CYFIP2: variants seen among roughly 807,000 people sequenced by gnomAD.
CYFIP2 encodes cytoplasmic FMR1 interacting protein 2.
CYFIP2 carries 29 observed loss-of-function variants against 158.7 expected under a neutral mutation model. The observed-to-expected ratio is 0.18, with a 90% CI of 0.14 to 0.25. CYFIP2 has a LOEUF of 0.25. CYFIP2 is among the 10% of genes least tolerant of loss of function. The pLI is 1.00. For synonymous variants in CYFIP2, 585 were observed against 617.6 expected (o/e 0.95, Z 0.78); for missense variants, 852 against 1,639.5 (o/e 0.52, Z 8.29).
intron 28 of CYFIP2, chr5:157,384,265 G>A (rs1766421155): frequency 4.4e-6 from 2 of 456,808 alleles, no homozygotes; most frequent in Admixed American, 4.7e-5. Flanking sequence ...AATAGGGGGA[G>A]AGCGGAGAAA....
At chr5:157,330,061 A>G (rs1044872686) in intron 19 of CYFIP2, among the ~76,000 whole-genome samples, 1 of 152,142 alleles carries the variant, frequency 6.6e-6, no homozygotes, top group Non-Finnish European at 1.5e-5. Context: ...GTTCCCTTAG[A>G]TCTTTCCAAT....
intron 6 of CYFIP2, among the ~76,000 whole-genome samples, chr5:157,301,985 C>G (rs141061304): frequency 6.6e-6 from 1 of 152,302 alleles, no homozygotes; most frequent in African/African-American, 2.4e-5. Flanking sequence ...CTGGTGGTGT[C>G]CAGCAGGCTG....
In CYFIP2 at chr5:157,394,978, G is replaced by C. The variant is rs1047329324; in HGVS notation, c.*1978G>C. ...GTCTGAGGATGGTAGCTGGCTCTCTGTAGCTGATAGATGGCTAGAGTTCCA... is the reference window on the plus strand; with the variant it reads ...GTCTGAGGATGGTAGCTGGCTCTCTCTAGCTGATAGATGGCTAGAGTTCCA... On this transcript the variant is annotated 3_prime_UTR_variant, in exon 31 of 31. Transcript: ENST00000620254. 6.5e-6 allele frequency: 1 copy of C among 153,278 alleles called. No homozygotes were observed. Among genetic ancestry groups the C allele is most frequent in the Non-Finnish European group, 1.5e-5 (1 of 68,918 alleles). The allele number at this position is 153,278 out of a possible 1,614,324, so 9.5% of individuals were successfully genotyped here.
Position 157,384,668 on chromosome 5 carries a change from G to A in CYFIP2, c.3207+1309G>A, listed in dbSNP as rs577028315. On this transcript the variant is annotated intron_variant, in intron 28 of 30. Transcript: ENST00000620254. ...AAAAGCTAATCATGGGGCCGGGCGC[G>A]GTGGCTCACACCTGTAATCCCAGCA... The A allele has an allele frequency of 1.4e-4, 53 of 374,630 alleles. No homozygotes were observed. In the East Asian group the frequency reaches 2.1e-3, roughly 15 times the overall value. The allele number at this position is 374,630 out of a possible 1,614,324, so 23.2% of individuals were successfully genotyped here.
At chr5:157,368,608 A>G (rs753876403) in intron 26 of CYFIP2, among the ~76,000 whole-genome samples, 1 of 152,222 alleles carries the variant, frequency 6.6e-6, no homozygotes, top group Non-Finnish European at 1.5e-5. Flanking sequence ...TTGACTCCCA[A>G]TAATACCCTT....
At chr5:157,321,968 A>G (rs530498814) in intron 15 of CYFIP2, among the ~76,000 whole-genome samples, 22 of 152,330 alleles carry the variant, frequency 1.4e-4, no homozygotes, top group African/African-American at 5.1e-4. Flanking sequence ...AGAGACAGAC[A>G]AGGCACAAAA....
At chr5:157,391,603 G>A (rs1221682344) in intron 30 of CYFIP2, among the ~76,000 whole-genome samples, 1 of 152,160 alleles carries the variant, frequency 6.6e-6, no homozygotes, top group African/African-American at 2.4e-5. Flanking sequence ...ATGTTGTAGT[G>A]TCCAAACTTC....
chr5:157,386,986 T>TA (rs1336630460), intron 28 of CYFIP2, among the ~76,000 whole-genome samples: 1 of 151,058 alleles, frequency 6.6e-6, no homozygotes, highest in Non-Finnish European at 1.5e-5. Flanking sequence ...TGTGAGTTTG[T>TA]AAACAATTTA....
At chr5:157,308,032 C>T (rs1405257806) in intron 9 of CYFIP2, among the ~76,000 whole-genome samples, 167 bp downstream of exon 9, 2 of 152,086 alleles carry the variant, frequency 1.3e-5, no homozygotes, top group East Asian at 3.9e-4. Context: ...ATGGCAGGGC[C>T]TCCAGCTGCC....
chr5:157,320,555 G>A, intron 14 of CYFIP2, 100 bp from the exon 15 acceptor site: 1 of 1,465,736 alleles, frequency 6.8e-7, no homozygotes, highest in East Asian at 2.3e-5. Flanking sequence ...GAATTCAAAT[G>A]TGGGTGTTCC....
chr5:157,375,140 T>C (rs1398933107), intron 26 of CYFIP2, among the ~76,000 whole-genome samples: 1 of 152,180 alleles, frequency 6.6e-6, no homozygotes, highest in Non-Finnish European at 1.5e-5. Context: ...ACTTATGAAG[T>C]AGAACACAGT....
At position 157,328,614 on chromosome 5, in the gene CYFIP2, A is replaced by G. The variant is rs546731557; in HGVS notation, c.2156+565A>G. ...CACTAGAGGGGGCAAGCTGCATGCT[A>G]AGGCTGGGGAGTGGGCAGGGCCAGA... On this transcript the variant is annotated intron_variant, in intron 19 of 30. Coordinates refer to ENST00000620254, the MANE Select transcript of CYFIP2 (RefSeq NM_001037333.3). Among the ~76,000 whole-genome samples the G allele has an allele frequency of 9.5e-4, 144 of 152,348 alleles. 1 individual carries two copies. Among genetic ancestry groups the G allele is most frequent in the African/African-American group, 3.2e-3 (133 of 41,568 alleles).
intron 30 of CYFIP2, among the ~76,000 whole-genome samples, chr5:157,391,816 G>GATCCA (rs1262776816): frequency 5.5e-5 from 8 of 144,230 alleles, no homozygotes; most frequent in Admixed American, 5.0e-4. Context: ...TGGATCGTAT[G>GATCCA]GTAATTCTAT....
chr5:157,321,730 G>A (rs2113114023), intron 15 of CYFIP2, among the ~76,000 whole-genome samples: 1 of 152,132 alleles, frequency 6.6e-6, no homozygotes, highest in African/African-American at 2.4e-5. Flanking sequence ...GTGCGTCTGT[G>A]TCTGTGCTGG....
At chr5:157,336,185 G>T (rs1283714380) in intron 21 of CYFIP2, among the ~76,000 whole-genome samples, 1 of 152,182 alleles carries the variant, frequency 6.6e-6, no homozygotes, top group Non-Finnish European at 1.5e-5. Context: ...CTGAGATGGG[G>T]AGGCAACTTG....
intron 13 of CYFIP2, among the ~76,000 whole-genome samples, chr5:157,316,443 A>G (rs1760154927): frequency 6.7e-6 from 1 of 149,094 alleles, no homozygotes; most frequent in African/African-American, 2.6e-5. Flanking sequence ...GGACATAAAT[A>G]TTTATGATGT....
intron 28 of CYFIP2, among the ~76,000 whole-genome samples, chr5:157,388,046 G>A (rs2113543428): frequency 6.6e-6 from 1 of 152,296 alleles, no homozygotes; most frequent in East Asian, 1.9e-4. Flanking sequence ...CAGCCACCCT[G>A]TAAAATGGCT....
chr5:157,317,383 A>G (rs1032068863), intron 13 of CYFIP2, among the ~76,000 whole-genome samples: 2 of 152,236 alleles, frequency 1.3e-5, no homozygotes, highest in Admixed American at 6.5e-5. Context: ...GAATCCCCAA[A>G]TAGGAAACAC....
chr5:157,274,170 T>C (rs1424244963), intron 1 of CYFIP2, among the ~76,000 whole-genome samples: 3 of 150,154 alleles, frequency 2.0e-5, no homozygotes, highest in Middle Eastern at 3.5e-3. Flanking sequence ...GTTTTTAATA[T>C]ATTCACAGAG....
Sources: gnomAD v4.1 joint callset for allele counts (sites outside exome capture counted in the v4.1 genomes callset) on GRCh38, gnomAD v4.1.1 for gene constraint, MANE v1.5 for transcripts, NCBI Gene and HGNC (gene_info 2026-07-23, HGNC 2026-07-21) for gene names.